CRACDL: variants seen among roughly 807,000 people sequenced by gnomAD.
The protein encoded by CRACDL is CRACD like.
CRACDL carries 26 observed loss-of-function variants against 70.6 expected under a neutral mutation model. The observed-to-expected ratio is 0.37, with a 90% CI of 0.27 to 0.51. The LOEUF (loss-of-function observed/expected upper bound fraction) is 0.51, where lower values mean the gene tolerates loss of function less well. Ranked by LOEUF, CRACDL falls within the 20% of genes least tolerant of loss-of-function variation. The pLI, the probability that CRACDL is intolerant of heterozygous loss-of-function variation, is 0.94. For missense variants in CRACDL, 1,283 were observed against 1,376.9 expected (o/e 0.93, Z 1.08); for synonymous variants, 618 against 615.2 (o/e 1.00, Z -0.07).
At chr2:98,830,360 G>A (rs1169662277) in intron 5 of CRACDL, among the ~76,000 whole-genome samples, 1 of 152,138 alleles carries the variant, frequency 6.6e-6, no homozygotes, top group Non-Finnish European at 1.5e-5. Flanking sequence ...TTCTGTCTAT[G>A]TGGGCCTGTG....
chr2:98,849,796 A>G (rs1195443335), intron 1 of CRACDL, among the ~76,000 whole-genome samples: 1 of 152,160 alleles, frequency 6.6e-6, no homozygotes, highest in Non-Finnish European at 1.5e-5. Flanking sequence ...TGTCCCAAGC[A>G]TCTTCATACA....
chr2:98,889,683 T>C (rs868459253), intron 1 of CRACDL, among the ~76,000 whole-genome samples: 11 of 152,190 alleles, frequency 7.2e-5, no homozygotes, highest in African/African-American at 1.7e-4. Context: ...ATCTATAGAA[T>C]ACTCATCCAG....
intron 1 of CRACDL, among the ~76,000 whole-genome samples, chr2:98,847,922 G>A (rs930877433): frequency 2.6e-5 from 4 of 152,100 alleles, no homozygotes; most frequent in Non-Finnish European, 4.4e-5. Context: ...CTAATATTTC[G>A]ATTTCTTCTA....
intron 7 of CRACDL, among the ~76,000 whole-genome samples, chr2:98,807,320 T>C (rs565509450): frequency 6.6e-6 from 1 of 152,330 alleles, no homozygotes; most frequent in African/African-American, 2.4e-5. Context: ...ATTCATTGAG[T>C]GGCAAACAAC....
Position 98,832,458 on chromosome 2 carries a change from G to A in CRACDL, c.430C>T (p.Pro144Ser), listed in dbSNP as rs1457317618. ...MGPPPPPGGL[P>S]AKRGEDAGMS... ...CCGGCATCCTCTCCCCGCTTGGCAGGAAGCCCCCCTGGAGGAGGTGGTGGC... is the reference window on the plus strand; with the variant it reads ...CCGGCATCCTCTCCCCGCTTGGCAGAAAGCCCCCCTGGAGGAGGTGGTGGC... Residue 144 changes from proline (P) to serine (S), a missense_variant, in exon 5 of 10, where the codon CCT becomes TCT. Physicochemically the swap from Pro to Ser is moderately conservative, Grantham distance 74. This residue lies in a region of CRACDL where 362 missense variants were observed against 495.0 expected (regional missense o/e 0.73). Coordinates refer to ENST00000397899, the MANE Select transcript of CRACDL (RefSeq NM_207362.3). 2.5e-6 allele frequency: 4 copies of A among 1,613,648 alleles called. No homozygotes were observed. The African/African-American group carries it at 4.0e-5, about 16-fold the overall frequency.
At chr2:98,859,143 G>A (rs2104567854) in intron 1 of CRACDL, among the ~76,000 whole-genome samples, 1 of 152,196 alleles carries the variant, frequency 6.6e-6, no homozygotes, top group Middle Eastern at 3.4e-3. Flanking sequence ...TGTGAAGCCA[G>A]TATTACCCTA....
intron 1 of CRACDL, among the ~76,000 whole-genome samples, chr2:98,921,958 C>T (rs973522851): frequency 1.1e-4 from 16 of 152,146 alleles, no homozygotes; most frequent in African/African-American, 2.4e-5. Flanking sequence ...CCCCTTGCTC[C>T]ACTTAAAAAA....
intron 5 of CRACDL, among the ~76,000 whole-genome samples, 187 bp from the exon 6 acceptor site, chr2:98,827,356 G>A (rs1203376498): frequency 6.6e-6 from 1 of 151,928 alleles, no homozygotes; most frequent in Non-Finnish European, 1.5e-5. Flanking sequence ...AGGCTGGAGT[G>A]CAGTGGCGTG....
At chr2:98,873,983 G>A (rs1195628002) in intron 1 of CRACDL, among the ~76,000 whole-genome samples, 2 of 152,224 alleles carry the variant, frequency 1.3e-5, no homozygotes, top group South Asian at 2.1e-4. Context: ...TCCAGCCTGG[G>A]TGACTGAGTG....
chr2:98,812,243 G>A (rs1704599541), intron 7 of CRACDL, among the ~76,000 whole-genome samples: 1 of 152,204 alleles, frequency 6.6e-6, no homozygotes, highest in South Asian at 2.1e-4. Context: ...CCAAAGTGCT[G>A]GGATTACAGG....
chr2:98,914,003 C>A (rs1708606256), intron 1 of CRACDL, among the ~76,000 whole-genome samples: 2 of 152,236 alleles, frequency 1.3e-5, no homozygotes, highest in South Asian at 4.1e-4. Context: ...GGCTGCCTCC[C>A]TCCCAGAATG....
intron 1 of CRACDL, among the ~76,000 whole-genome samples, chr2:98,899,555 A>C (rs1027065146): frequency 1.3e-5 from 2 of 152,246 alleles, no homozygotes; most frequent in Non-Finnish European, 2.9e-5. Context: ...CCCCACAGGC[A>C]AGGGGAGTGC....
intron 7 of CRACDL, among the ~76,000 whole-genome samples, chr2:98,818,125 G>A (rs1435195550): frequency 1.3e-5 from 2 of 152,180 alleles, no homozygotes; most frequent in Non-Finnish European, 2.9e-5. Context: ...GATGCATAAT[G>A]TTCTGCACAA....
intron 2 of CRACDL, 75 bp from the exon 3 acceptor site, chr2:98,838,362 C>A: frequency 2.5e-6 from 2 of 791,078 alleles, no homozygotes; most frequent in Non-Finnish European, 3.8e-6. Flanking sequence ...GCAACAGGCA[C>A]GTAAAAGAGA....
chr2:98,853,634 C>T (rs1432099588), intron 1 of CRACDL, among the ~76,000 whole-genome samples: 2 of 151,974 alleles, frequency 1.3e-5, no homozygotes, highest in Non-Finnish European at 2.9e-5. Context: ...TTAAAAAGTA[C>T]GTGTTTTTCT....
intron 7 of CRACDL, among the ~76,000 whole-genome samples, chr2:98,818,166 A>G (rs537549736): frequency 1.3e-5 from 2 of 152,206 alleles, no homozygotes; most frequent in Non-Finnish European, 2.9e-5. Context: ...TGGGCCATTT[A>G]CTTCCTACGA....
At chr2:98,843,384 T>C (rs1312129172) in intron 2 of CRACDL, among the ~76,000 whole-genome samples, 3 of 152,240 alleles carry the variant, frequency 2.0e-5, no homozygotes, top group African/African-American at 7.2e-5. Flanking sequence ...TCACAGACCA[T>C]ATTTTAAAGT....
At chr2:98,930,630 G>T (rs1001020598) in intron 1 of CRACDL, among the ~76,000 whole-genome samples, 2 of 150,400 alleles carry the variant, frequency 1.3e-5, no homozygotes, top group African/African-American at 4.9e-5. Flanking sequence ...CCCCTCTTCC[G>T]TCCCCTCGCT....
chr2:98,890,311 A>C (rs1445921979), intron 1 of CRACDL, among the ~76,000 whole-genome samples: 3 of 152,202 alleles, frequency 2.0e-5, no homozygotes, highest in Admixed American at 2.0e-4. Context: ...ATTAAGAATG[A>C]AAGAGGGGAC....
Sources: gnomAD v4.1 joint callset for allele counts (sites outside exome capture counted in the v4.1 genomes callset) on GRCh38, gnomAD v4.1.1 for gene constraint, gnomAD v4.1.1 regional missense constraint, MANE v1.5 for transcripts, NCBI Gene and HGNC (gene_info 2026-07-23, HGNC 2026-07-21) for gene names.